SLC17A6: variants seen among roughly 807,000 people sequenced by gnomAD.
SLC17A6 encodes the protein solute carrier family 17 member 6.
SLC17A6 carries 35 observed loss-of-function variants against 67.1 expected under a neutral mutation model. The observed-to-expected ratio is 0.52, with a 90% CI of 0.40 to 0.69. The LOEUF (loss-of-function observed/expected upper bound fraction) is 0.69, where lower values mean the gene tolerates loss of function less well. Among genes scored for constraint, SLC17A6 ranks in the 30% least tolerant of loss-of-function variants. SLC17A6 has a pLI of 0.00. For missense variants in SLC17A6, 588 were observed against 723.9 expected (o/e 0.81, Z 2.15); for synonymous variants, 285 against 252.3 (o/e 1.13, Z -1.23).
chr11:22,339,209 G>T (rs1443286007), intron 1 of SLC17A6, among the ~76,000 whole-genome samples: 2 of 139,466 alleles, frequency 1.4e-5, no homozygotes, highest in Non-Finnish European at 1.5e-5. Flanking sequence ...ATATATGTTA[G>T]AGAGAGAGAG....
intron 3 of SLC17A6, among the ~76,000 whole-genome samples, chr11:22,358,155 A>T (rs757238926): frequency 6.6e-6 from 1 of 152,126 alleles, no homozygotes; most frequent in Non-Finnish European, 1.5e-5. Flanking sequence ...ACCAACATTG[A>T]CTGAATTTAA....
At chr11:22,341,030 C>T (rs1029984615) in intron 1 of SLC17A6, among the ~76,000 whole-genome samples, 1 of 152,206 alleles carries the variant, frequency 6.6e-6, no homozygotes, top group South Asian at 2.1e-4. Flanking sequence ...GTGGGAAAGG[C>T]TCTCTAGTTG....
At chr11:22,347,268 G>A (rs944190018) in intron 3 of SLC17A6, among the ~76,000 whole-genome samples, 1 of 151,756 alleles carries the variant, frequency 6.6e-6, no homozygotes, top group Non-Finnish European at 1.5e-5. Context: ...GTAAGATTTA[G>A]GCTCTAAAGC....
intron 11 of SLC17A6, 98 bp from the exon 12 acceptor site, chr11:22,377,307 T>C (rs947679171): frequency 1.9e-6 from 2 of 1,076,274 alleles, no homozygotes; most frequent in African/African-American, 3.2e-5. Flanking sequence ...CCAAATATAG[T>C]GTTTTATGAA....
chr11:22,341,499 C>A (rs776555894), intron 1 of SLC17A6, 29 bp from the exon 2 acceptor site: 1 of 1,606,122 alleles, frequency 6.2e-7, no homozygotes, highest in African/African-American at 1.3e-5. Flanking sequence ...GCCGCCAAGT[C>A]CTTGACTCGC....
intron 1 of SLC17A6, among the ~76,000 whole-genome samples, chr11:22,341,167 G>A (rs1028908450): frequency 1.3e-5 from 2 of 152,172 alleles, no homozygotes; most frequent in Non-Finnish European, 2.9e-5. Context: ...GGAGGCGCTG[G>A]TAACCCCTGC....
rs1564976444 is a variant in SLC17A6 at position 22,339,144 on chromosome 11, T to TAC, written c.86+526_86+527insCA. The stretch of plus-strand genomic sequence containing the variant: ...ATATATATATGTTATATATATATGT[T>TAC]ATATATAGTTATATATATATGTTAT... On this transcript the variant is annotated intron_variant, in intron 1 of 11. Coordinates refer to ENST00000263160, the MANE Select transcript of SLC17A6 (RefSeq NM_020346.3). Among the ~76,000 whole-genome samples the TAC allele has an allele frequency of 9.4e-5, 5 of 53,204 alleles. 1 individual carries two copies. Among genetic ancestry groups the TAC allele is most frequent in the African/African-American group, 3.5e-4 (5 of 14,242 alleles). 34.9% of individuals were successfully genotyped at this position (53,204 alleles called of 152,430 possible).
chr11:22,351,738 T>C (rs1855941493), intron 3 of SLC17A6, among the ~76,000 whole-genome samples: 1 of 152,168 alleles, frequency 6.6e-6, no homozygotes, highest in Admixed American at 6.5e-5. Context: ...TTTTGAGAAA[T>C]GATTTACTTG....
chr11:22,339,305 T>C (rs1220975274), intron 1 of SLC17A6, among the ~76,000 whole-genome samples: 1 of 150,886 alleles, frequency 6.6e-6, no homozygotes, highest in Admixed American at 6.6e-5. Flanking sequence ...AGAATCAAAA[T>C]ATATCAATAA....
intron 7 of SLC17A6, 94 bp from the exon 8 acceptor site, chr11:22,369,945 C>A: frequency 8.3e-7 from 1 of 1,200,566 alleles, no homozygotes; most frequent in Non-Finnish European, 1.2e-6. Context: ...TATGACCTGT[C>A]ATATACATCC....
intron 3 of SLC17A6, 32 bp downstream of exon 3, chr11:22,343,397 C>G: frequency 6.4e-7 from 1 of 1,563,008 alleles, no homozygotes; most frequent in East Asian, 2.2e-5. Context: ...GGGCTCGGGG[C>G]GTGGTGTTTG....
chr11:22,345,993 A>G (rs1188943736), intron 3 of SLC17A6, among the ~76,000 whole-genome samples: 1 of 152,206 alleles, frequency 6.6e-6, no homozygotes, highest in Non-Finnish European at 1.5e-5. Context: ...TATATTTCCT[A>G]TTATGATCTC....
chr11:22,341,843 C>G, intron 2 of SLC17A6, 63 bp downstream of exon 2: 1 of 1,572,540 alleles, frequency 6.4e-7, no homozygotes, highest in Non-Finnish European at 8.6e-7. Context: ...AAAACCACAT[C>G]TCCTGTTTGA....
At chr11:22,353,228 G>A (rs766444029) in intron 3 of SLC17A6, among the ~76,000 whole-genome samples, 1 of 151,998 alleles carries the variant, frequency 6.6e-6, no homozygotes, top group Non-Finnish European at 1.5e-5. Flanking sequence ...TTGAAGTATG[G>A]AAACATTTCC....
At chr11:22,345,817 T>C (rs1056551458) in intron 3 of SLC17A6, among the ~76,000 whole-genome samples, 13 of 152,054 alleles carry the variant, frequency 8.5e-5, no homozygotes, top group Non-Finnish European at 1.8e-4. Flanking sequence ...TATTGCACAT[T>C]AGTAAGAAAA....
At chr11:22,354,429 C>A (rs1314607650) in intron 3 of SLC17A6, among the ~76,000 whole-genome samples, 1 of 152,190 alleles carries the variant, frequency 6.6e-6, no homozygotes, top group Non-Finnish European at 1.5e-5. Context: ...TCCACTACTT[C>A]TTTCATTTCT....
chr11:22,347,391 G>A (rs755825382), intron 3 of SLC17A6, among the ~76,000 whole-genome samples: 10 of 152,016 alleles, frequency 6.6e-5, no homozygotes, highest in Non-Finnish European at 1.3e-4. Flanking sequence ...GCTAATCAAA[G>A]TACCTACCTC....
chr11:22,342,138 C>T (rs1367153324), intron 2 of SLC17A6, among the ~76,000 whole-genome samples: 1 of 152,192 alleles, frequency 6.6e-6, no homozygotes, highest in African/African-American at 2.4e-5. Context: ...TTATAGTTTT[C>T]CCAGGACTTC....
Position 22,341,787 on chromosome 11 carries a change from A to G in SLC17A6, c.339+7A>G, listed in dbSNP as rs1360374145. On this transcript the variant is annotated splice_region_variant and intron_variant, in intron 2 of 11. Coordinates refer to ENST00000263160, the MANE Select transcript of SLC17A6 (RefSeq NM_020346.3). ...GGGCAAGGTCATCAAGGAGGTGGGC[A>G]ACGTCTGGCCGCCCTGGCTCCTGCC... 1.2e-6 allele frequency: 2 copies of G among 1,612,966 alleles called. No homozygotes were observed. The highest frequency in any genetic ancestry group is 8.5e-7 in the Non-Finnish European group (1 of 1,179,162).
Sources: gnomAD v4.1 joint callset for allele counts (sites outside exome capture counted in the v4.1 genomes callset) on GRCh38, gnomAD v4.1.1 for gene constraint, MANE v1.5 for transcripts, NCBI Gene and HGNC (gene_info 2026-07-23, HGNC 2026-07-21) for gene names.